PIGK: variants seen among roughly 807,000 people sequenced by gnomAD.
PIGK encodes phosphatidylinositol glycan anchor biosynthesis class K, also known as GPI-anchor transamidase.
In PIGK, 42 loss-of-function variants were observed where a neutral mutation model predicts 50.6. That is an observed-to-expected ratio of 0.83 (90% CI 0.65 to 1.07). The LOEUF (loss-of-function observed/expected upper bound fraction) is 1.07, where lower values mean the gene tolerates loss of function less well. Among genes scored for constraint, PIGK ranks in the 50% least tolerant of loss-of-function variants. PIGK has a pLI of 0.00. For synonymous variants in PIGK, 151 were observed against 156.0 expected (o/e 0.97, Z 0.24); for missense variants, 448 against 488.7 (o/e 0.92, Z 0.78).
At position 77,192,407 on chromosome 1, in the gene PIGK, C is replaced by A. The variant is rs184769756; in HGVS notation, c.239+14233G>T. Among the ~76,000 whole-genome samples the A allele has an allele frequency of 3.3e-5, 5 of 152,248 alleles. No homozygotes were observed. The East Asian group carries it at 9.7e-4, about 29-fold the overall frequency. On this transcript the variant is annotated intron_variant, in intron 3 of 10. Transcript: ENST00000370812. ...TCATGAATTTGATTTAACTATTACA[C>A]ATTAAATTGTTCAGGCACTTACTTT... is the stretch of plus-strand genomic sequence containing the variant.
chr1:77,149,223 T>G (rs1258793915), intron 9 of PIGK, among the ~76,000 whole-genome samples: 1 of 152,036 alleles, frequency 6.6e-6, no homozygotes, highest in Admixed American at 6.6e-5. Context: ...ACAAAATGGC[T>G]ACAGTAAGCC....
chr1:77,166,115 A>G (rs990808990), intron 5 of PIGK, among the ~76,000 whole-genome samples: 1 of 152,220 alleles, frequency 6.6e-6, no homozygotes, highest in Non-Finnish European at 1.5e-5. Context: ...TAAATAATAT[A>G]GCTAAATCAT....
intron 3 of PIGK, among the ~76,000 whole-genome samples, chr1:77,200,491 A>C (rs1267272271): frequency 6.6e-6 from 1 of 152,128 alleles, no homozygotes; most frequent in Non-Finnish European, 1.5e-5. Context: ...AGTATGCATA[A>C]TTATACTAAT....
Position 77,142,815 on chromosome 1 carries a change from C to T in PIGK, c.986+11634G>A, listed in dbSNP as rs151043015. 1.7e-3 allele frequency among the ~76,000 whole-genome samples: 256 copies of T among 152,206 alleles called. 2 individuals carry two copies. Among genetic ancestry groups the T allele is most frequent in the African/African-American group, 6.0e-3 (248 of 41,536 alleles). Reference sequence around the variant, plus strand: ...CTCTCCACACATGGGGATTACAATCCAGATGAGATTTGAGTGGGGACACAG... The same window carrying T: ...CTCTCCACACATGGGGATTACAATCTAGATGAGATTTGAGTGGGGACACAG... On this transcript the variant is annotated intron_variant, in intron 9 of 10. Coordinates refer to ENST00000370812, the MANE Select transcript of PIGK (RefSeq NM_005482.3).
intron 3 of PIGK, among the ~76,000 whole-genome samples, chr1:77,202,053 CA>C (rs79509311): frequency 2.6e-3 from 334 of 129,592 alleles, no homozygotes; most frequent in Non-Finnish European, 2.2e-3. Context: ...GTGAGACAAT[CA>C]AAAAAAAAAA....
At chr1:77,106,903 T>C (rs1413518111) in intron 10 of PIGK, among the ~76,000 whole-genome samples, 1 of 152,198 alleles carries the variant, frequency 6.6e-6, no homozygotes. Flanking sequence ...TCTCTGATGG[T>C]AGTTTGTATT....
At chr1:77,209,572 C>T (rs181332222) in intron 2 of PIGK, among the ~76,000 whole-genome samples, 1 of 152,218 alleles carries the variant, frequency 6.6e-6, no homozygotes, top group African/African-American at 2.4e-5. Context: ...ACTTCACATT[C>T]TTACACTTAG....
chr1:77,217,886 C>T (rs965041684), intron 1 of PIGK, among the ~76,000 whole-genome samples: 1 of 152,054 alleles, frequency 6.6e-6, no homozygotes, highest in Admixed American at 6.6e-5. Context: ...TGAAAAAGCA[C>T]AGCAATTATG....
intron 9 of PIGK, chr1:77,129,297 C>G (rs1286344861): frequency 3.1e-6 from 5 of 1,604,100 alleles, no homozygotes; most frequent in Non-Finnish European, 4.3e-6. Flanking sequence ...ACCATTCCGA[C>G]GTTACAATGG....
intron 3 of PIGK, among the ~76,000 whole-genome samples, chr1:77,204,486 C>A (rs778391630): frequency 5.3e-5 from 8 of 152,054 alleles, no homozygotes; most frequent in African/African-American, 1.4e-4. Flanking sequence ...TATTTTATTG[C>A]CCTTGAAGCA....
intron 5 of PIGK, among the ~76,000 whole-genome samples, chr1:77,166,391 A>C (rs1655233099): frequency 6.6e-6 from 1 of 152,192 alleles, no homozygotes; most frequent in African/African-American, 2.4e-5. Flanking sequence ...GAAGAGGGAC[A>C]GATTTGCAAT....
chr1:77,097,496 G>T (rs1246609290), intron 10 of PIGK, among the ~76,000 whole-genome samples: 1 of 152,106 alleles, frequency 6.6e-6, no homozygotes. Flanking sequence ...TGATAAATGT[G>T]CAAGGCAGTT....
At position 77,161,808 on chromosome 1, in the gene PIGK, T is replaced by TA. The variant is rs547549462; in HGVS notation, c.585-98dup. The TA allele has an allele frequency of 4.2e-5, 29 of 690,008 alleles. 1 individual carries two copies. In the East Asian group the frequency reaches 6.8e-4, roughly 16 times the overall value. 42.7% of individuals were successfully genotyped at this position (690,008 alleles called of 1,614,324 possible). On this transcript the variant is annotated intron_variant, in intron 6 of 10. Transcript: ENST00000370812. ...TTTGTAAGATGTTTAAATCATATCTTAGTCATTTCATTAGCTAAAAGTTTT... is the reference window on the plus strand; with the variant it reads ...TTTGTAAGATGTTTAAATCATATCTTAAGTCATTTCATTAGCTAAAAGTTTT...
intron 10 of PIGK, among the ~76,000 whole-genome samples, chr1:77,116,341 G>A (rs1394687480): frequency 1.3e-5 from 2 of 151,872 alleles, no homozygotes; most frequent in South Asian, 2.1e-4. Context: ...CCACCACCAC[G>A]CCCGGCTAAT....
intron 3 of PIGK, among the ~76,000 whole-genome samples, chr1:77,178,964 G>A (rs1397089163): frequency 6.6e-6 from 1 of 152,178 alleles, no homozygotes; most frequent in Non-Finnish European, 1.5e-5. Flanking sequence ...ACTAAAAAGG[G>A]GAAATTTTTT....
intron 3 of PIGK, among the ~76,000 whole-genome samples, chr1:77,200,904 AAC>A (rs140853248): frequency 0.026 from 4,017 of 152,334 alleles, 71 homozygotes; most frequent in Non-Finnish European, 0.041. Context: ...TAAAATTCCT[AAC>A]ACAGTCTCTG....
At chr1:77,187,534 T>C (rs1655778705) in intron 3 of PIGK, among the ~76,000 whole-genome samples, 1 of 152,106 alleles carries the variant, frequency 6.6e-6, no homozygotes, top group South Asian at 2.1e-4. Flanking sequence ...TACCTTTAAG[T>C]CAACAGGCTA....
intron 3 of PIGK, among the ~76,000 whole-genome samples, chr1:77,170,639 T>C (rs1225439393): frequency 1.3e-5 from 2 of 152,134 alleles, no homozygotes; most frequent in African/African-American, 4.8e-5. Flanking sequence ...AGTAAATAAT[T>C]TTAAGTGAAT....
intron 3 of PIGK, among the ~76,000 whole-genome samples, chr1:77,197,354 G>A (rs756302341): frequency 1.3e-5 from 2 of 152,150 alleles, no homozygotes; most frequent in Non-Finnish European, 2.9e-5. Context: ...GATGATACAG[G>A]AAGAAGTAAA....
Sources: gnomAD v4.1 joint callset for allele counts (sites outside exome capture counted in the v4.1 genomes callset) on GRCh38, gnomAD v4.1.1 for gene constraint, MANE v1.5 for transcripts, NCBI Gene and HGNC (gene_info 2026-07-23, HGNC 2026-07-21) for gene names.